Variants in TBC1D32 observed in about 807,000 individuals in gnomAD.
TBC1D32 encodes the protein TBC1 domain family member 32, also known as protein broad-minded.
A neutral mutation model predicts 170.3 loss-of-function variants in TBC1D32; 151 were observed. The ratio of observed to expected loss-of-function variants is 0.89; its 90% CI spans 0.78 to 1.01. The LOEUF (loss-of-function observed/expected upper bound fraction) is 1.01, where lower values mean the gene tolerates loss of function less well. Ranked by LOEUF, TBC1D32 falls within the 50% of genes least tolerant of loss-of-function variation. The probability of loss-of-function intolerance (pLI) is 0.00; values close to 1 mark genes in which losing one functional copy is unlikely to be tolerated. For synonymous variants in TBC1D32, 498 were observed against 488.0 expected (o/e 1.02, Z -0.27); for missense variants, 1,464 against 1,457.1 (o/e 1.00, Z -0.08).
intron 20 of TBC1D32, among the ~76,000 whole-genome samples, chr6:121,231,322 T>C (rs1279313168): frequency 2.0e-5 from 3 of 152,206 alleles, no homozygotes; most frequent in Non-Finnish European, 4.4e-5. Flanking sequence ...TACTCATTGA[T>C]TGATGTGCAT....
At chr6:121,317,838 CAG>C (rs1809148597) in intron 2 of TBC1D32, 166 bp from the exon 3 acceptor site, 1 of 485,916 alleles carries the variant, frequency 2.1e-6, no homozygotes, top group Admixed American at 4.0e-5. Flanking sequence ...AGTGGTAGAA[CAG>C]AATTCACAAA....
At chr6:121,259,273 G>A (rs1230543692) in intron 15 of TBC1D32, among the ~76,000 whole-genome samples, 1 of 151,904 alleles carries the variant, frequency 6.6e-6, no homozygotes, top group Admixed American at 6.6e-5. Flanking sequence ...ACTCCAACCT[G>A]GGCGGCAGAC....
intron 25 of TBC1D32, chr6:121,129,942 G>T: frequency 2.3e-6 from 1 of 440,760 alleles, no homozygotes; most frequent in Non-Finnish European, 4.5e-6. Flanking sequence ...TTAAACAAAG[G>T]GGACAACAGG....
At chr6:121,097,816 A>T (rs1449249794) in intron 30 of TBC1D32, among the ~76,000 whole-genome samples, 1 of 152,124 alleles carries the variant, frequency 6.6e-6, no homozygotes, top group East Asian at 1.9e-4. Context: ...ATGATAATAG[A>T]CTGGATTAGG....
At chr6:121,300,318 G>A (rs965447201) in intron 9 of TBC1D32, among the ~76,000 whole-genome samples, 6 of 151,964 alleles carry the variant, frequency 3.9e-5, no homozygotes, top group Non-Finnish European at 8.8e-5. Context: ...GTGGTGGCAT[G>A]CATCTGTAGT....
At chr6:121,154,242 G>T (rs1289586241) in intron 24 of TBC1D32, among the ~76,000 whole-genome samples, 1 of 152,074 alleles carries the variant, frequency 6.6e-6, no homozygotes, top group East Asian at 1.9e-4. Context: ...TTGGCTAGGG[G>T]AGGGAGTTCC....
intron 21 of TBC1D32, among the ~76,000 whole-genome samples, chr6:121,220,943 G>C (rs1794444359): frequency 6.6e-6 from 1 of 151,986 alleles, no homozygotes; most frequent in African/African-American, 2.4e-5. Context: ...GCCCGGCCAA[G>C]AGATTTTCAA....
chr6:121,279,179 C>T lies in TBC1D32; in HGVS notation c.1675G>A (p.Val559Ile). The change falls in exon 15 of 32, where the codon GTA becomes ATA. Residue 559 changes from valine to isoleucine, a missense_variant. By Grantham distance (29) the Val-to-Ile change is conservative. This residue lies in a region of TBC1D32 where 1,363 missense variants were observed against 1,338.1 expected (regional missense o/e 1.02). Coordinates refer to ENST00000398212, the MANE Select transcript of TBC1D32 (RefSeq NM_152730.6). ...AGGAGTAAAATAAGCCCTTCTTCTA[C>T]AGATGCAATTCTTGCCAAAATACCA... Reference protein sequence around the residue: ...IAGILARIASVEEGLILLLYG... With the variant: ...IAGILARIASIEEGLILLLYG... 7 of 1,612,016 alleles carry T rather than the reference C, an allele frequency of 4.3e-6. No individual in the cohort carries two copies. The highest frequency in any genetic ancestry group is 5.9e-6 in the Non-Finnish European group (7 of 1,179,016).
intron 30 of TBC1D32, among the ~76,000 whole-genome samples, chr6:121,104,040 T>C (rs1778435052): frequency 6.6e-6 from 1 of 151,910 alleles, no homozygotes; most frequent in Non-Finnish European, 1.5e-5. Context: ...ATTGCTATAT[T>C]TAAATTTCTT....
chr6:121,294,679 A>G lies in TBC1D32; in HGVS notation c.1141-19T>C. 6.3e-7 allele frequency: 1 copy of G among 1,586,698 alleles called. No individual in the cohort carries two copies. The highest frequency in any genetic ancestry group is 8.6e-7 in the Non-Finnish European group (1 of 1,156,692). ...TAGTTACCTGATGAAATAATAAGTTATTAATTCCAGAACTTTGCAGCCCTC... is the reference window on the plus strand; with the variant it reads ...TAGTTACCTGATGAAATAATAAGTTGTTAATTCCAGAACTTTGCAGCCCTC... On this transcript the variant is annotated intron_variant, in intron 10 of 31. Coordinates refer to ENST00000398212, the MANE Select transcript of TBC1D32 (RefSeq NM_152730.6).
Position 121,279,146 on chromosome 6 carries a change from C to T in TBC1D32, c.1708G>A (p.Ala570Thr). 6.2e-7 allele frequency: 1 copy of T among 1,606,936 alleles called. No individual in the cohort carries two copies. Among genetic ancestry groups the T allele is most frequent in the Middle Eastern group, 1.7e-4 (1 of 6,014 alleles). ...CTTTCTTCAGAAGAGTTCATATTTGCTCCATAAAGGAGTAAAATAAGCCCT... is the reference window on the plus strand; with the variant it reads ...CTTTCTTCAGAAGAGTTCATATTTGTTCCATAAAGGAGTAAAATAAGCCCT... ...EEGLILLLYG[A>T]NMNSSEESPT... The change falls in exon 15 of 32, where the codon GCA becomes ACA. Residue 570 changes from alanine to threonine, a missense_variant. By Grantham distance (58) the Ala-to-Thr change is moderately conservative. Coordinates refer to ENST00000398212, the MANE Select transcript of TBC1D32 (RefSeq NM_152730.6).
intron 21 of TBC1D32, among the ~76,000 whole-genome samples, chr6:121,221,655 A>G (rs1422250279): frequency 1.3e-5 from 2 of 152,194 alleles, no homozygotes; most frequent in Non-Finnish European, 2.9e-5. Context: ...AGAACAAGTA[A>G]CTACAGACAT....
intron 3 of TBC1D32, among the ~76,000 whole-genome samples, chr6:121,316,959 A>C (rs865773966): frequency 3.9e-5 from 6 of 152,130 alleles, no homozygotes; most frequent in South Asian, 2.1e-4. Context: ...TATTAGGGCC[A>C]ATCCAGCCAC....
chr6:121,090,154 G>A (rs561261659), intron 31 of TBC1D32, among the ~76,000 whole-genome samples: 185 of 152,118 alleles, frequency 1.2e-3, no homozygotes, highest in African/African-American at 4.3e-3. Flanking sequence ...GGATGGTCTC[G>A]ATCTCCTGAC....
At chr6:121,153,373 C>T (rs562001122) in intron 24 of TBC1D32, among the ~76,000 whole-genome samples, 2 of 152,248 alleles carry the variant, frequency 1.3e-5, no homozygotes, top group East Asian at 3.9e-4. Flanking sequence ...GAATCTTCGT[C>T]CCAGAGGGGC....
intron 22 of TBC1D32, among the ~76,000 whole-genome samples, chr6:121,182,820 T>C (rs1211257090): frequency 6.6e-6 from 1 of 151,912 alleles, no homozygotes; most frequent in Non-Finnish European, 1.5e-5. Flanking sequence ...AAATCAGGTA[T>C]GTATTTCACA....
chr6:121,259,464 T>C (rs1014369793), intron 15 of TBC1D32, among the ~76,000 whole-genome samples: 1 of 152,158 alleles, frequency 6.6e-6, no homozygotes, highest in Non-Finnish European at 1.5e-5. Context: ...GAATTAGTCT[T>C]CCTAATTTTA....
chr6:121,307,471 C>T (rs1005990376), intron 5 of TBC1D32, among the ~76,000 whole-genome samples: 3 of 152,022 alleles, frequency 2.0e-5, no homozygotes, highest in Admixed American at 2.0e-4. Context: ...TGAAATATGA[C>T]CATATTTTGA....
chr6:121,088,022 C>T (rs1411523909), intron 31 of TBC1D32, among the ~76,000 whole-genome samples: 1 of 150,932 alleles, frequency 6.6e-6, no homozygotes, highest in Non-Finnish European at 1.5e-5. Context: ...ACAATCATGG[C>T]CCACTGCGGC....
Sources: gnomAD v4.1 joint callset for allele counts (sites outside exome capture counted in the v4.1 genomes callset) on GRCh38, gnomAD v4.1.1 for gene constraint, gnomAD v4.1.1 regional missense constraint, MANE v1.5 for transcripts, NCBI Gene and HGNC (gene_info 2026-07-23, HGNC 2026-07-21) for gene names.